CEP112: variants seen among roughly 807,000 people sequenced by gnomAD.
CEP112 encodes the protein centrosomal protein of 112 kDa.
In CEP112, 127 loss-of-function variants were observed where a neutral mutation model predicts 153.0. The observed-to-expected ratio is 0.83, with a 90% CI of 0.72 to 0.96. CEP112 has a LOEUF of 0.96. CEP112 is among the 40% of genes least tolerant of loss of function. The pLI, the probability that CEP112 is intolerant of heterozygous loss-of-function variation, is 0.00. For missense variants in CEP112, 1,089 were observed against 1,101.2 expected, an observed-to-expected ratio of 0.99 and a Z score of 0.16; for synonymous variants, 358 against 374.4, an observed-to-expected ratio of 0.96 and a Z score of 0.51.
chr17:65,793,561 C>A (rs1198531380), intron 21 of CEP112, among the ~76,000 whole-genome samples: 2 of 152,200 alleles, frequency 1.3e-5, no homozygotes, highest in African/African-American at 4.8e-5. Context: ...CAAGAACTCA[C>A]ACTTTATCTC....
At chr17:65,704,607 C>A (rs1307095715) in intron 23 of CEP112, among the ~76,000 whole-genome samples, 2 of 152,066 alleles carry the variant, frequency 1.3e-5, no homozygotes, top group African/African-American at 2.4e-5. Context: ...TGTGTGTGTA[C>A]ATGGTCGTAT....
chr17:65,983,142 G>A (rs112265509), intron 17 of CEP112, among the ~76,000 whole-genome samples: 21 of 152,244 alleles, frequency 1.4e-4, no homozygotes, highest in African/African-American at 4.6e-4. Flanking sequence ...ACTAAATAGA[G>A]GTAGTCATTG....
intron 20 of CEP112, among the ~76,000 whole-genome samples, chr17:65,895,463 T>C (rs2059626941): frequency 6.6e-6 from 1 of 152,104 alleles, no homozygotes; most frequent in Non-Finnish European, 1.5e-5. Context: ...TCAAGCATTA[T>C]TATGACTTTG....
chr17:66,031,481 T>TTG (rs1555776141), intron 12 of CEP112, among the ~76,000 whole-genome samples: 3 of 34,822 alleles, frequency 8.6e-5, no homozygotes, highest in Non-Finnish European at 3.4e-4. Flanking sequence ...TTGTTTTTTT[T>TTG]TTTTGTTTTT....
intron 17 of CEP112, among the ~76,000 whole-genome samples, chr17:65,971,470 A>T (rs548793576): frequency 9.4e-6 from 1 of 106,896 alleles, no homozygotes; most frequent in African/African-American, 3.1e-5. Flanking sequence ...ACACACATGT[A>T]TCATGCATGT....
chr17:66,099,504 CAA>C (rs71160532), intron 6 of CEP112, among the ~76,000 whole-genome samples: 1 of 113,966 alleles, frequency 8.8e-6, no homozygotes, highest in African/African-American at 3.9e-5. Flanking sequence ...AACTCTGTCT[CAA>C]AAAAAAAAAA....
chr17:65,697,813 C>T (rs1262453998), intron 23 of CEP112, among the ~76,000 whole-genome samples: 1 of 152,080 alleles, frequency 6.6e-6, no homozygotes, highest in African/African-American at 2.4e-5. Context: ...TCATTCAGAC[C>T]TACCCAGGAT....
At chr17:65,750,931 A>T (rs1411517704) in intron 21 of CEP112, 4 of 507,716 alleles carry the variant, frequency 7.9e-6, no homozygotes, top group African/African-American at 7.7e-5. Flanking sequence ...TCTGCCAATT[A>T]TTAGACAAAC....
At chr17:65,647,606 A>T (rs1205503634) in intron 24 of CEP112, among the ~76,000 whole-genome samples, 1 of 150,368 alleles carries the variant, frequency 6.7e-6, no homozygotes, top group African/African-American at 2.5e-5. Context: ...CCTCCCGAGT[A>T]GCTGGGACTA....
chr17:65,819,236 A>AT (rs2056415821), intron 21 of CEP112, among the ~76,000 whole-genome samples: 1 of 151,760 alleles, frequency 6.6e-6, no homozygotes, highest in Non-Finnish European at 1.5e-5. Context: ...GCCTCACCTT[A>AT]TTTTTTCTTT....
intron 21 of CEP112, among the ~76,000 whole-genome samples, chr17:65,764,573 A>G (rs978672518): frequency 6.7e-6 from 1 of 150,012 alleles, no homozygotes; most frequent in African/African-American, 2.4e-5. Flanking sequence ...TTAAATCTAA[A>G]TATGGCCACT....
intron 8 of CEP112, among the ~76,000 whole-genome samples, chr17:66,095,271 G>T (rs577916970): frequency 6.6e-6 from 1 of 151,926 alleles, no homozygotes; most frequent in Non-Finnish European, 1.5e-5. Flanking sequence ...TGAAAAAAAT[G>T]TGATATATAT....
Position 66,087,221 on chromosome 17 carries a change from T to C in CEP112, c.768+9030A>G, listed in dbSNP as rs372734782. Among the ~76,000 whole-genome samples, 15 of 152,194 alleles carry C rather than the reference T, an allele frequency of 9.9e-5. No individual in the cohort carries two copies. In the East Asian group the frequency reaches 1.2e-3, roughly 12 times the overall value. On this transcript the variant is annotated intron_variant, in intron 8 of 26. Transcript: ENST00000535342. ...AATGAATTTCTGATGCAATGCATGA[T>C]AGCTTTAAATGTTTTTTCTTTGAAA...
At chr17:66,136,112 C>A (rs189030562) in intron 4 of CEP112, among the ~76,000 whole-genome samples, 1 of 152,150 alleles carries the variant, frequency 6.6e-6, no homozygotes, top group Admixed American at 6.6e-5. Flanking sequence ...AATCCTCTTG[C>A]GCCATAAGCA....
At chr17:65,870,041 G>A (rs1160884988) in intron 20 of CEP112, among the ~76,000 whole-genome samples, 6 of 68,332 alleles carry the variant, frequency 8.8e-5, no homozygotes, top group Non-Finnish European at 1.4e-4. Context: ...AAGAAAGAAA[G>A]AAAGAAAGAA....
At chr17:65,890,613 T>G (rs1291377983) in intron 20 of CEP112, among the ~76,000 whole-genome samples, 1 of 152,182 alleles carries the variant, frequency 6.6e-6, no homozygotes, top group Non-Finnish European at 1.5e-5. Context: ...TAACCTTCTA[T>G]TTCCATACTC....
At position 65,808,251 on chromosome 17, in the gene CEP112, C is replaced by G. The variant is rs187593976; in HGVS notation, c.2394+43553G>C. ...TCCCTTTTGGAATGGCAGCATTTAC[C>G]CAATGCTTGTACTCCCATTGTATCT... is the stretch of plus-strand genomic sequence containing the variant. On this transcript the variant is annotated intron_variant, in intron 21 of 26. Transcript: ENST00000535342. Among the ~76,000 whole-genome samples the G allele has an allele frequency of 5.3e-3, 808 of 152,228 alleles. 9 individuals carry two copies. Among genetic ancestry groups the G allele is most frequent in the African/African-American group, 0.019 (771 of 41,530 alleles).
At chr17:65,860,014 CAAAAAAA>C (rs1186022956) in intron 20 of CEP112, among the ~76,000 whole-genome samples, 1 of 50,426 alleles carries the variant, frequency 2.0e-5, no homozygotes, top group African/African-American at 6.5e-5. Context: ...GACTCCATCT[CAAAAAAA>C]AAAAAAAAAC....
intron 21 of CEP112, among the ~76,000 whole-genome samples, chr17:65,758,833 T>A (rs1219456691): frequency 6.6e-6 from 1 of 152,210 alleles, no homozygotes; most frequent in East Asian, 1.9e-4. Context: ...AAAAGCTTTG[T>A]AGGCATCTAT....
Sources: allele counts gnomAD v4.1 joint callset (sites outside exome capture counted in the v4.1 genomes callset), GRCh38; gene constraint gnomAD v4.1.1; transcripts MANE v1.5; gene names NCBI Gene and HGNC (gene_info 2026-07-23, HGNC 2026-07-21).